The following DPP6 variants were observed in gnomAD, a reference collection of about 807,000 sequenced individuals.
The protein encoded by DPP6 is dipeptidyl peptidase like 6.
DPP6 carries 69 observed loss-of-function variants against 122.6 expected under a neutral mutation model. The ratio of observed to expected loss-of-function variants is 0.56; its 90% confidence interval spans 0.46 to 0.69. The LOEUF is 0.69. Ranked by LOEUF, DPP6 falls within the 30% of genes least tolerant of loss-of-function variation. The probability of loss-of-function intolerance (pLI) is 0.00; values close to 1 mark genes in which losing one functional copy is unlikely to be tolerated. For missense variants in DPP6, 928 were observed against 1,116.9 expected, an observed-to-expected ratio of 0.83 and a Z score of 2.41; for synonymous variants, 418 against 433.1, an observed-to-expected ratio of 0.97 and a Z score of 0.43.
intron 1 of DPP6, among the ~76,000 whole-genome samples, chr7:154,103,080 A>G (rs573686934): frequency 3.9e-5 from 6 of 152,158 alleles, no homozygotes; most frequent in East Asian, 1.9e-4. Flanking sequence ...ACTGTCCCCA[A>G]TGAGTACCCT....
At chr7:154,262,890 G>T (rs1247157425) in intron 1 of DPP6, among the ~76,000 whole-genome samples, 1 of 152,162 alleles carries the variant, frequency 6.6e-6, no homozygotes, top group South Asian at 2.1e-4. Context: ...TAAGGTCAGT[G>T]GATCAAAGAG....
intron 5 of DPP6, among the ~76,000 whole-genome samples, chr7:154,611,247 T>C (rs560687027): frequency 6.6e-6 from 1 of 152,322 alleles, no homozygotes; most frequent in Non-Finnish European, 1.5e-5. Context: ...ATAGGAGACC[T>C]ATATTAGTTC....
At chr7:154,205,112 A>C (rs935959697) in intron 1 of DPP6, among the ~76,000 whole-genome samples, 2 of 152,186 alleles carry the variant, frequency 1.3e-5, no homozygotes, top group African/African-American at 4.8e-5. Context: ...TCCATTTTAA[A>C]GAACAACTTC....
chr7:154,592,976 T>A (rs1832892653), intron 5 of DPP6, among the ~76,000 whole-genome samples: 1 of 152,064 alleles, frequency 6.6e-6, no homozygotes, highest in African/African-American at 2.4e-5. Context: ...CACCTGGTAA[T>A]CCTTGCAGGC....
chr7:154,464,454 G>T (rs1412515238), intron 2 of DPP6, among the ~76,000 whole-genome samples: 3 of 152,180 alleles, frequency 2.0e-5, no homozygotes, highest in African/African-American at 7.2e-5. Flanking sequence ...GCTTTTTCCT[G>T]TGAATAGTTG....
intron 16 of DPP6, among the ~76,000 whole-genome samples, chr7:154,827,734 G>T (rs1270302472): frequency 1.0e-5 from 1 of 96,276 alleles, no homozygotes; most frequent in African/African-American, 3.6e-5. Flanking sequence ...GCGGGGGGGG[G>T]GTGGTGTCGG....
chr7:154,592,695 G>A (rs1357019634), intron 5 of DPP6, among the ~76,000 whole-genome samples: 1 of 152,148 alleles, frequency 6.6e-6, no homozygotes, highest in Non-Finnish European at 1.5e-5. Context: ...GATCCGAGGA[G>A]GGGTCTCAGG....
rs1404307623 is a variant in DPP6, at chr7:154,059,949, C to G, written c.243+6886C>G. Reference sequence around the variant, plus strand: ...GGGCAAAACCTGAACATAAAGGGCCCCCATTTTGTGATGGCTGAGATCCAT... The same window carrying G: ...GGGCAAAACCTGAACATAAAGGGCCGCCATTTTGTGATGGCTGAGATCCAT... On this transcript the variant is annotated intron_variant, in intron 1 of 25. Transcript: ENST00000377770. Among the ~76,000 whole-genome samples, 7 of 152,234 alleles carry G rather than the reference C, an allele frequency of 4.6e-5. No individual in the cohort carries two copies. In the South Asian group the frequency reaches 1.2e-3, roughly 27 times the overall value.
chr7:153,866,967 T>C, the DPP6 span, among the ~76,000 whole-genome samples: 109 of 152,272 alleles, frequency 7.2e-4, no homozygotes, highest in East Asian at 0.017. Context: ...TGTAGATATG[T>C]GGCATTATTT....
chr7:154,857,904 C>T (rs1407274016), intron 17 of DPP6, among the ~76,000 whole-genome samples: 1 of 152,232 alleles, frequency 6.6e-6, no homozygotes, highest in African/African-American at 2.4e-5. Flanking sequence ...CCGCTGAAGA[C>T]TTCCAGGAGC....
intron 1 of DPP6, among the ~76,000 whole-genome samples, chr7:154,204,539 C>T (rs1270721162): frequency 2.6e-5 from 4 of 152,212 alleles, no homozygotes; most frequent in African/African-American, 9.7e-5. Context: ...TCGGCCTCCT[C>T]TCCCCAGTGT....
At chr7:154,187,847 A>AT (rs1397307779) in intron 1 of DPP6, among the ~76,000 whole-genome samples, 3 of 152,154 alleles carry the variant, frequency 2.0e-5, no homozygotes, top group Non-Finnish European at 4.4e-5. Context: ...TTAAAAAAAA[A>AT]ACTTCTGATG....
intron 5 of DPP6, among the ~76,000 whole-genome samples, chr7:154,634,175 C>A (rs1177986270): frequency 9.3e-6 from 1 of 107,984 alleles, no homozygotes; most frequent in African/African-American, 3.6e-5. Flanking sequence ...CCCCACCCCA[C>A]AACAGTCCCT....
chr7:153,958,754 C>G (rs527382146), intron 1 of DPP6, among the ~76,000 whole-genome samples: 5 of 152,268 alleles, frequency 3.3e-5, no homozygotes, highest in Non-Finnish European at 7.4e-5. Context: ...GCTCCAATCC[C>G]TGAAAGCCCA....
intron 2 of DPP6, among the ~76,000 whole-genome samples, chr7:154,466,689 T>C (rs1821814736): frequency 6.6e-6 from 1 of 152,204 alleles, no homozygotes; most frequent in Non-Finnish European, 1.5e-5. Flanking sequence ...TGTCAACATA[T>C]GGATTTGTTG....
At chr7:154,701,543 G>A (rs557508305) in intron 7 of DPP6, among the ~76,000 whole-genome samples, 1 of 152,186 alleles carries the variant, frequency 6.6e-6, no homozygotes, top group Non-Finnish European at 1.5e-5. Context: ...AGGCTGAGCC[G>A]CCAGGCTGAG....
intron 1 of DPP6, among the ~76,000 whole-genome samples, chr7:154,332,220 T>A (rs1322548768): frequency 6.6e-6 from 1 of 152,160 alleles, no homozygotes; most frequent in African/African-American, 2.4e-5. Context: ...TACAGGCACA[T>A]GCCACCACGC....
At chr7:154,795,972 C>T in intron 12 of DPP6, 89 bp downstream of exon 12, 1 of 1,514,766 alleles carries the variant, frequency 6.6e-7, no homozygotes. Flanking sequence ...AGCAGAATGG[C>T]TTCTCAGAGT....
At chr7:153,950,343 G>T (rs1802151156) in intron 1 of DPP6, among the ~76,000 whole-genome samples, 1 of 152,180 alleles carries the variant, frequency 6.6e-6, no homozygotes, top group African/African-American at 2.4e-5. Flanking sequence ...TTCATGGAAT[G>T]TTAGGTGTGA....
Sources: gnomAD v4.1 joint callset for allele counts (sites outside exome capture counted in the v4.1 genomes callset) on GRCh38, gnomAD v4.1.1 for gene constraint, MANE v1.5 for transcripts, NCBI Gene and HGNC (gene_info 2026-07-23, HGNC 2026-07-21) for gene names.